PDE4D: variants seen among roughly 807,000 people sequenced by gnomAD.
The protein encoded by PDE4D is phosphodiesterase 4D, also known as 3',5'-cyclic-AMP phosphodiesterase 4D.
A neutral mutation model predicts 87.4 loss-of-function variants in PDE4D; 24 were observed. The observed-to-expected ratio is 0.27, with a 90% CI of 0.20 to 0.39. The LOEUF (loss-of-function observed/expected upper bound fraction) is 0.39. Among genes scored for constraint, PDE4D ranks in the 10% least tolerant of loss-of-function variants. The pLI is 1.00. For synonymous variants in PDE4D, 384 were observed against 383.2 expected (o/e 1.00, Z -0.02); for missense variants, 714 against 1,041.0 (o/e 0.69, Z 4.32).
chr5:60,374,983 C>A (rs1242904161), intron 1 of PDE4D, among the ~76,000 whole-genome samples: 1 of 152,090 alleles, frequency 6.6e-6, no homozygotes, highest in African/African-American at 2.4e-5. Flanking sequence ...TATCCCAGTT[C>A]ATTTCTTAAG....
At chr5:59,336,723 T>C (rs1777715261) in intron 1 of PDE4D, among the ~76,000 whole-genome samples, 1 of 152,196 alleles carries the variant, frequency 6.6e-6, no homozygotes, top group African/African-American at 2.4e-5. Flanking sequence ...AGGCTTATAG[T>C]ATGAGCTAAT....
chr5:59,566,109 G>T (rs1820835623), intron 1 of PDE4D, among the ~76,000 whole-genome samples: 1 of 152,210 alleles, frequency 6.6e-6, no homozygotes, highest in Non-Finnish European at 1.5e-5. Flanking sequence ...AAATGAAAGT[G>T]TTAGAAGACT....
At chr5:59,108,635 C>T (rs1293961205) in intron 5 of PDE4D, among the ~76,000 whole-genome samples, 4 of 152,046 alleles carry the variant, frequency 2.6e-5, no homozygotes, top group East Asian at 1.9e-4. Flanking sequence ...GGCTCACGCC[C>T]GTAGTCCCAG....
intron 1 of PDE4D, among the ~76,000 whole-genome samples, chr5:59,888,067 TG>T (rs1233080943): frequency 6.6e-6 from 1 of 152,230 alleles, no homozygotes; most frequent in African/African-American, 2.4e-5. Flanking sequence ...AGATGGACAG[TG>T]GTGGACTAGG....
In PDE4D at chr5:59,013,064, C is replaced by A. The variant is rs187275900; in HGVS notation, c.922-19599G>T. On this transcript the variant is annotated intron_variant, in intron 6 of 14. Coordinates refer to ENST00000340635, the MANE Select transcript of PDE4D (RefSeq NM_001104631.2). The stretch of plus-strand genomic sequence containing the variant: ...CTGAATGACTACTGGGTACATAATG[C>A]GATGAAGGCAGAAATAAAGATGTTC... Among the ~76,000 whole-genome samples the A allele has an allele frequency of 9.8e-3, 1,490 of 151,996 alleles. 22 individuals are homozygous for A. The highest frequency in any genetic ancestry group is 0.034 in the African/African-American group (1,408 of 41,476).
At chr5:59,949,518 A>G (rs1189819475) in intron 3 of PDE4D, among the ~76,000 whole-genome samples, 2 of 151,982 alleles carry the variant, frequency 1.3e-5, no homozygotes, top group Non-Finnish European at 2.9e-5. Context: ...CTACCAAACT[A>G]TCTGGTTTAA....
intron 1 of PDE4D, among the ~76,000 whole-genome samples, chr5:59,357,970 C>G (rs1157526691): frequency 6.6e-6 from 1 of 152,168 alleles, no homozygotes; most frequent in Non-Finnish European, 1.5e-5. Flanking sequence ...GAATTTAACC[C>G]TCTCTGAACT....
intron 3 of PDE4D, among the ~76,000 whole-genome samples, chr5:59,953,978 T>A (rs1185088169): frequency 6.6e-6 from 1 of 152,180 alleles, no homozygotes; most frequent in Admixed American, 6.5e-5. Flanking sequence ...CAGGCTGGAG[T>A]GCGATGGCAC....
chr5:59,630,725 C>G (rs1256653012), intron 1 of PDE4D, among the ~76,000 whole-genome samples: 3 of 152,158 alleles, frequency 2.0e-5, no homozygotes, highest in African/African-American at 7.2e-5. Flanking sequence ...TAGAAGCAGT[C>G]TCCAGTGCCA....
chr5:59,249,600 A>G (rs1212781981), intron 1 of PDE4D, among the ~76,000 whole-genome samples: 1 of 152,168 alleles, frequency 6.6e-6, no homozygotes, highest in Non-Finnish European at 1.5e-5. Flanking sequence ...AGGGTGAAAC[A>G]TTTTGTATCC....
intron 1 of PDE4D, among the ~76,000 whole-genome samples, chr5:60,441,344 T>TAAA (rs1745195436): frequency 6.6e-6 from 1 of 152,146 alleles, no homozygotes; most frequent in South Asian, 2.1e-4. Context: ...GGGAAAGGAT[T>TAAA]CCCTATTTAA....
intron 1 of PDE4D, among the ~76,000 whole-genome samples, chr5:59,516,571 T>G (rs1026852330): frequency 2.6e-5 from 4 of 152,212 alleles, no homozygotes; most frequent in Non-Finnish European, 4.4e-5. Context: ...ACTAAAGTAT[T>G]TTTTTAAGAA....
chr5:59,945,472 G>T lies in PDE4D; in HGVS notation c.272+43016C>A, dbSNP rs144039557. Among the ~76,000 whole-genome samples the T allele has an allele frequency of 2.2e-4, 33 of 152,270 alleles. No homozygotes were observed. In the East Asian group the frequency reaches 3.9e-3, roughly 18 times the overall value. On this transcript the variant is annotated intron_variant, in intron 3 of 16. Transcript: ENST00000502484. ...AAAGGGCTGAGGTTAAGAGAGGTAG[G>T]ATTCAATGAAGATCTAGGATCTTTT...
At chr5:59,786,072 G>T (rs979337906) in intron 1 of PDE4D, among the ~76,000 whole-genome samples, 2 of 152,182 alleles carry the variant, frequency 1.3e-5, no homozygotes, top group African/African-American at 4.8e-5. Context: ...CTCTACACAA[G>T]CCTTTCCACA....
At chr5:59,306,187 T>C (rs1047123319) in intron 1 of PDE4D, among the ~76,000 whole-genome samples, 1 of 152,214 alleles carries the variant, frequency 6.6e-6, no homozygotes, top group African/African-American at 2.4e-5. Flanking sequence ...AAGTTTGTTT[T>C]GTGTGACACA....
intron 6 of PDE4D, among the ~76,000 whole-genome samples, chr5:58,996,869 G>C (rs1201786521): frequency 1.3e-5 from 2 of 152,214 alleles, no homozygotes; most frequent in South Asian, 4.1e-4. Flanking sequence ...ATATTGTACA[G>C]ACTAGATAAG....
intron 1 of PDE4D, among the ~76,000 whole-genome samples, chr5:60,471,926 T>C (rs2150194198): frequency 6.6e-6 from 1 of 152,204 alleles, no homozygotes; most frequent in Middle Eastern, 3.4e-3. Context: ...CCCATTACTA[T>C]GGCCTATTAG....
intron 1 of PDE4D, among the ~76,000 whole-genome samples, chr5:59,234,259 C>G (rs1457274336): frequency 2.0e-5 from 3 of 152,020 alleles, no homozygotes; most frequent in Non-Finnish European, 4.4e-5. Context: ...TTATGATATT[C>G]AATTATGTGT....
At chr5:59,792,402 C>CTGTGTGTGTGTGTGTG (rs3062592) in intron 1 of PDE4D, among the ~76,000 whole-genome samples, 3,228 of 138,780 alleles carry the variant, frequency 0.023, 91 homozygotes, top group African/African-American at 0.055. Flanking sequence ...CTCCAAGAAG[C>CTGTGTGTGTGTGTGTG]TGTGTGTGTG....
Sources: gnomAD v4.1 joint callset for allele counts (sites outside exome capture counted in the v4.1 genomes callset) on GRCh38, gnomAD v4.1.1 for gene constraint, MANE v1.5 for transcripts, NCBI Gene and HGNC (gene_info 2026-07-23, HGNC 2026-07-21) for gene names.